The following PTPA variants were observed in gnomAD, a reference collection of about 807,000 sequenced individuals.
PTPA encodes the protein serine/threonine-protein phosphatase 2A activator.
Under a neutral mutation model 43.6 loss-of-function variants are expected in PTPA, and 13 were observed. The observed-to-expected ratio is 0.30, with a 90% confidence interval of 0.19 to 0.47. PTPA has a LOEUF of 0.47. Among genes scored for constraint, PTPA ranks in the 20% least tolerant of loss-of-function variants. PTPA has a pLI of 0.99. For missense variants in PTPA, 329 were observed against 411.9 expected, an observed-to-expected ratio of 0.80 and a Z score of 1.74; for synonymous variants, 172 against 158.2, an observed-to-expected ratio of 1.09 and a Z score of -0.66.
chr9:129,145,078 C>T (rs926713025), intron 9 of PTPA, among the ~76,000 whole-genome samples: 2 of 151,634 alleles, frequency 1.3e-5, no homozygotes, highest in Non-Finnish European at 2.9e-5. Context: ...TGCCTATAAT[C>T]CCAGCACTTT....
At chr9:129,138,383 A>T (rs1564198473) in intron 8 of PTPA, among the ~76,000 whole-genome samples, 1 of 152,296 alleles carries the variant, frequency 6.6e-6, no homozygotes, top group Middle Eastern at 3.4e-3. Context: ...AGCTTATTGC[A>T]TCAGAATCTT....
intron 9 of PTPA, among the ~76,000 whole-genome samples, chr9:129,144,326 A>G (rs1851131642): frequency 6.6e-6 from 1 of 152,024 alleles, no homozygotes; most frequent in South Asian, 2.1e-4. Flanking sequence ...CCAACTCAGG[A>G]TGGGGGAGCT....
chr9:129,128,163 A>G (rs1333471863), intron 3 of PTPA: 1 of 797,642 alleles, frequency 1.3e-6, no homozygotes, highest in East Asian at 6.5e-5. Flanking sequence ...ATGGTGTTTT[A>G]GCTGGGGTTT....
chr9:129,121,164 C>G (rs1488067744), intron 2 of PTPA, among the ~76,000 whole-genome samples: 1 of 152,210 alleles, frequency 6.6e-6, no homozygotes, highest in African/African-American at 2.4e-5. Context: ...GAAAGACAGA[C>G]TGAGCAAAAG....
chr9:129,127,572 A>G (rs1487863352), intron 3 of PTPA, among the ~76,000 whole-genome samples: 6 of 152,212 alleles, frequency 3.9e-5, no homozygotes, highest in African/African-American at 1.2e-4. Context: ...CTATTTCTAA[A>G]AGCCAACCTG....
intron 6 of PTPA, 132 bp downstream of exon 6, chr9:129,135,026 T>C: frequency 1.4e-6 from 1 of 701,418 alleles, no homozygotes; most frequent in African/African-American, 1.8e-5. Context: ...CTAATCAAGC[T>C]CTGGCTGTGG....
At chr9:129,132,480 A>C (rs542492822) in intron 5 of PTPA, among the ~76,000 whole-genome samples, 1 of 152,152 alleles carries the variant, frequency 6.6e-6, no homozygotes, top group African/African-American at 2.4e-5. Context: ...CTGGGACTAC[A>C]GGTGTGCACC....
chr9:129,110,976 G>T (rs574322698), upstream of PTPA: 2 of 1,371,914 alleles, frequency 1.5e-6, no homozygotes, highest in East Asian at 4.5e-5. The surrounding 1 kb of genome is among the most constrained non-coding windows in gnomAD (Gnocchi z 5.3). Context: ...GAGGAAGGAG[G>T]AGGTCACCGT....
At chr9:129,133,883 A>G (rs896757686) in intron 5 of PTPA, among the ~76,000 whole-genome samples, 8 of 152,224 alleles carry the variant, frequency 5.3e-5, no homozygotes, top group Non-Finnish European at 7.3e-5. Context: ...GCCTGTGCAC[A>G]TGCTATTCCT....
At chr9:129,135,837 T>A (rs556277346) in intron 6 of PTPA, among the ~76,000 whole-genome samples, 1 of 152,354 alleles carries the variant, frequency 6.6e-6, no homozygotes, top group African/African-American at 2.4e-5. Flanking sequence ...GATAACCTGC[T>A]GGGACTTGTG....
Position 129,120,295 on chromosome 9 carries a change from G to A in PTPA, c.32-218G>A, listed in dbSNP as rs564504567. Among the ~76,000 whole-genome samples, 10 of 150,740 alleles carry A rather than the reference G, an allele frequency of 6.6e-5. No homozygotes were observed. In the East Asian group the frequency reaches 1.4e-3, roughly 21 times the overall value. On this transcript the variant is annotated intron_variant, in intron 1 of 9. Coordinates refer to ENST00000393370, the MANE Select transcript of PTPA (RefSeq NM_178000.3). ...AAAAATTAGCTGGGTGTGGTGGCACGTGCCTGTAATCTCAGCTACTCAGGA... is the reference window on the plus strand; with the variant it reads ...AAAAATTAGCTGGGTGTGGTGGCACATGCCTGTAATCTCAGCTACTCAGGA...
In PTPA at chr9:129,142,435, T is replaced by C; in HGVS notation, c.787-10T>C. The C allele has an allele frequency of 1.3e-6, 2 of 1,559,728 alleles. No individual in the cohort carries two copies. The highest frequency in any genetic ancestry group is 1.7e-6 in the Non-Finnish European group (2 of 1,149,572). ...ACCTGTCTCTTCAGCTTGTGGCTTC[T>C]CTTTTTCAGATGAAGACTGGCCCAT... is the stretch of plus-strand genomic sequence containing the variant. On this transcript the variant is annotated splice_polypyrimidine_tract_variant and intron_variant, in intron 8 of 9. Coordinates refer to ENST00000393370, the MANE Select transcript of PTPA (RefSeq NM_178000.3).
At chr9:129,142,386 A>T in intron 8 of PTPA, 59 bp from the exon 9 acceptor site, 1 of 1,473,684 alleles carries the variant, frequency 6.8e-7, no homozygotes, top group South Asian at 1.3e-5. Flanking sequence ...GCTGCAGGGG[A>T]GGAGGGATGA....
At chr9:129,134,279 T>TTATAGTACTG (rs1850196177) in intron 5 of PTPA, among the ~76,000 whole-genome samples, 1 of 148,770 alleles carries the variant, frequency 6.7e-6, no homozygotes, top group South Asian at 2.1e-4. Flanking sequence ...ACGAGTGGAA[T>TTATAGTACTG]TATAGTACTG....
At chr9:129,134,969 G>C in intron 6 of PTPA, 75 bp downstream of exon 6, 1 of 1,246,080 alleles carries the variant, frequency 8.0e-7, no homozygotes, top group Non-Finnish European at 1.2e-6. Context: ...TGGGAAATGG[G>C]GTGCTCTAGG....
chr9:129,130,518 C>G (rs1233590010), intron 4 of PTPA, among the ~76,000 whole-genome samples: 1 of 151,938 alleles, frequency 6.6e-6, no homozygotes, highest in Non-Finnish European at 1.5e-5. Context: ...CTCAGCCTCC[C>G]AAGTTGCTGG....
intron 1 of PTPA, among the ~76,000 whole-genome samples, chr9:129,115,617 C>G (rs1848811706): frequency 6.7e-6 from 1 of 149,214 alleles, no homozygotes; most frequent in Admixed American, 6.9e-5. Flanking sequence ...TAGTCCTTTA[C>G]TCTTCCACTT....
intron 2 of PTPA, among the ~76,000 whole-genome samples, chr9:129,122,278 T>G (rs1849296201): frequency 6.6e-6 from 1 of 152,138 alleles, no homozygotes. Flanking sequence ...AACTTTTTAA[T>G]TTTTTGTAGA....
chr9:129,114,035 T>TA (rs1848712589), intron 1 of PTPA, among the ~76,000 whole-genome samples: 1 of 152,124 alleles, frequency 6.6e-6, no homozygotes, highest in Non-Finnish European at 1.5e-5. Flanking sequence ...TTCTTCTTTT[T>TA]AGTTTTTTTT....
Sources: allele counts gnomAD v4.1 joint callset (sites outside exome capture counted in the v4.1 genomes callset), GRCh38; gene constraint gnomAD v4.1.1; non-coding constraint Gnocchi (gnomAD v3.1); transcripts MANE v1.5; gene names NCBI Gene and HGNC (gene_info 2026-07-23, HGNC 2026-07-21).